NUCB2: variants seen among roughly 807,000 people sequenced by gnomAD.
The protein encoded by NUCB2 is nucleobindin-2.
A neutral mutation model predicts 57.9 loss-of-function variants in NUCB2; 48 were observed. The ratio of observed to expected loss-of-function variants is 0.83; its 90% confidence interval spans 0.66 to 1.05. NUCB2 has a LOEUF of 1.05. Among genes scored for constraint, NUCB2 ranks in the 50% least tolerant of loss-of-function variants. The pLI, the probability that NUCB2 is intolerant of heterozygous loss-of-function variation, is 0.00. For synonymous variants in NUCB2, 139 were observed against 152.1 expected (o/e 0.91, Z 0.64); for missense variants, 442 against 476.2 (o/e 0.93, Z 0.67).
intron 10 of NUCB2, among the ~76,000 whole-genome samples, chr11:17,312,769 C>T (rs1482768311): frequency 1.3e-5 from 2 of 151,392 alleles, no homozygotes; most frequent in Admixed American, 6.6e-5. Flanking sequence ...TGCAGTGGTG[C>T]GATCTTGGCT....
In NUCB2 at chr11:17,311,902, A is replaced by G; in HGVS notation, c.791A>G (p.Gln264Arg). 6.3e-7 allele frequency: 1 copy of G among 1,599,260 alleles called. No homozygotes were observed. Among genetic ancestry groups the G allele is most frequent in the Non-Finnish European group, 8.5e-7 (1 of 1,170,786 alleles). Residue 264 changes from glutamine (Q) to arginine (R), a missense_variant, in exon 9 of 14, where the codon CAA (glutamine) becomes CGA (arginine). Transcript: ENST00000529010. ...AATAGTGATGGATTCCTGGATGAAC[A>G]AGAATTAGAAGCCCTATTTACTAAA... The part of the protein sequence containing the change: ...DVNSDGFLDE[Q>R]ELEALFTKEL...
chr11:17,281,017 G>T (rs1227638864), intron 1 of NUCB2, among the ~76,000 whole-genome samples: 1 of 152,140 alleles, frequency 6.6e-6, no homozygotes, highest in Admixed American at 6.5e-5. Flanking sequence ...CTCCAGCCTG[G>T]GTGGTAGAGT....
At chr11:17,320,396 G>T (rs181827289) in intron 11 of NUCB2, among the ~76,000 whole-genome samples, 196 of 152,296 alleles carry the variant, frequency 1.3e-3, no homozygotes, top group African/African-American at 4.5e-3. Flanking sequence ...TGGGGCCAGT[G>T]CAGTAGCTCA....
chr11:17,309,696 T>C, intron 6 of NUCB2, 21 bp downstream of exon 6: 3 of 1,509,270 alleles, frequency 2.0e-6, no homozygotes, highest in Non-Finnish European at 2.7e-6. Context: ...TTCCAAAAAG[T>C]TTTGTCTTTA....
chr11:17,314,461 C>A (rs1001315527), intron 10 of NUCB2, among the ~76,000 whole-genome samples: 11 of 152,164 alleles, frequency 7.2e-5, no homozygotes, highest in African/African-American at 2.7e-4. Flanking sequence ...GTGACTCTCT[C>A]TCCTCTGGCC....
chr11:17,278,967 T>C (rs1296449745), intron 1 of NUCB2, among the ~76,000 whole-genome samples: 1 of 151,924 alleles, frequency 6.6e-6, no homozygotes, highest in Non-Finnish European at 1.5e-5. Flanking sequence ...CTGAGGCGGG[T>C]GGATCACTTG....
intron 4 of NUCB2, among the ~76,000 whole-genome samples, chr11:17,299,662 G>T (rs935295400): frequency 6.6e-6 from 1 of 152,118 alleles, no homozygotes; most frequent in African/African-American, 2.4e-5. Flanking sequence ...CCAGCACTTT[G>T]GGAGGCTGAG....
chr11:17,331,713 A>G lies in NUCB2; in HGVS notation c.*294A>G, dbSNP rs1951426824. 4 of 288,936 alleles carry G rather than the reference A, an allele frequency of 1.4e-5. No individual in the cohort carries two copies. The highest frequency in any genetic ancestry group is 8.7e-5 in the African/African-American group (4 of 46,240). 17.9% of individuals were successfully genotyped at this position (288,936 alleles called of 1,614,324 possible). A position where few individuals can be genotyped will look rare whatever the true frequency, so the allele number is the denominator to read the frequency against. ...TGATTTAATTAAGTGGCTTTATGCC[A>G]TAATTTAGTGAAACTATTAGGAACT... On this transcript the variant is annotated 3_prime_UTR_variant, in exon 14 of 14. Transcript: ENST00000529010.
chr11:17,324,919 A>G (rs912969909), intron 11 of NUCB2, among the ~76,000 whole-genome samples: 1 of 152,032 alleles, frequency 6.6e-6, no homozygotes, highest in Non-Finnish European at 1.5e-5. Flanking sequence ...CTCCTGCCTC[A>G]GCCTCCTGAG....
intron 2 of NUCB2, among the ~76,000 whole-genome samples, chr11:17,288,959 A>ATTTTTT (rs532223454): frequency 3.0e-5 from 2 of 66,928 alleles, no homozygotes; most frequent in African/African-American, 1.8e-4. Flanking sequence ...ACATATATAT[A>ATTTTTT]TATATTTTTT....
At chr11:17,315,781 T>G (rs925407525) in intron 11 of NUCB2, among the ~76,000 whole-genome samples, 2 of 152,170 alleles carry the variant, frequency 1.3e-5, no homozygotes, top group Non-Finnish European at 2.9e-5. Context: ...AAATTAGAAT[T>G]CACCTATAAT....
At chr11:17,287,117 TAGAA>T (rs1407889772) in intron 2 of NUCB2, among the ~76,000 whole-genome samples, 19 of 151,962 alleles carry the variant, frequency 1.3e-4, no homozygotes, top group Admixed American at 1.2e-3. Context: ...GTAGGATAAA[TAGAA>T]AGCCCTACCA....
rs1387421927 is a variant in NUCB2 at position 17,328,190 on chromosome 11, C to T, written c.1003-1937C>T. On this transcript the variant is annotated intron_variant, in intron 11 of 13. Coordinates refer to ENST00000529010, the MANE Select transcript of NUCB2 (RefSeq NM_005013.4). ...CTTGGATAAGATCCAGAAGAATTCT[C>T]TAGATTACCAGGCAGAGACTCTTGT... is the stretch of plus-strand genomic sequence containing the variant. Among the ~76,000 whole-genome samples, 9 of 152,342 alleles carry T rather than the reference C, an allele frequency of 5.9e-5. No homozygotes were observed. In the East Asian group the frequency reaches 1.5e-3, roughly 26 times the overall value.
chr11:17,303,585 G>C (rs563196246), intron 5 of NUCB2, among the ~76,000 whole-genome samples: 32 of 152,090 alleles, frequency 2.1e-4, no homozygotes, highest in South Asian at 4.1e-4. Flanking sequence ...GAAATGCAAG[G>C]ATATCTTAAA....
At chr11:17,301,329 A>G (rs1946712200) in intron 4 of NUCB2, among the ~76,000 whole-genome samples, 1 of 117,340 alleles carries the variant, frequency 8.5e-6, no homozygotes. Flanking sequence ...TCCAGGCTGG[A>G]GTGCAGTGGT....
chr11:17,292,348 T>G (rs1301598904), intron 2 of NUCB2, among the ~76,000 whole-genome samples: 1 of 152,176 alleles, frequency 6.6e-6, no homozygotes, highest in Non-Finnish European at 1.5e-5. Flanking sequence ...AGATCCAAGT[T>G]TACCTTTGAG....
chr11:17,335,193 A>G (rs545187589), downstream of NUCB2, among the ~76,000 whole-genome samples: 3 of 152,290 alleles, frequency 2.0e-5, no homozygotes, highest in African/African-American at 7.2e-5. Flanking sequence ...ATTATAAGCA[A>G]TATGGAAAAA....
intron 2 of NUCB2, chr11:17,286,800 G>A (rs942484218): frequency 5.3e-5 from 8 of 152,136 alleles, no homozygotes; most frequent in Admixed American, 1.3e-4. Context: ...TCTCATTCAT[G>A]AAAATCTGTA....
At chr11:17,341,569 A>T (rs992781092) in intron 2 of NUCB2, among the ~76,000 whole-genome samples, 14 of 151,568 alleles carry the variant, frequency 9.2e-5, no homozygotes, top group African/African-American at 3.4e-4. Context: ...ATCTATTGAG[A>T]TAATCATGTG....
Sources: allele counts gnomAD v4.1 joint callset (sites outside exome capture counted in the v4.1 genomes callset), GRCh38; gene constraint gnomAD v4.1.1; transcripts MANE v1.5; gene names NCBI Gene and HGNC (gene_info 2026-07-23, HGNC 2026-07-21).